Variants in APBA2 observed in about 807,000 individuals in gnomAD.
The protein encoded by APBA2 is amyloid beta precursor protein binding family A member 2.
A neutral mutation model predicts 75.0 loss-of-function variants in APBA2; 30 were observed. The ratio of observed to expected loss-of-function variants is 0.40; its 90% confidence interval spans 0.30 to 0.54. The LOEUF is 0.54. Among genes scored for constraint, APBA2 ranks in the 20% least tolerant of loss-of-function variants. The pLI, the probability that APBA2 is intolerant of heterozygous loss-of-function variation, is 0.49. For synonymous variants in APBA2, 444 were observed against 409.6 expected (o/e 1.08, Z -1.01); for missense variants, 801 against 1,016.1 (o/e 0.79, Z 2.88).
intron 2 of APBA2, among the ~76,000 whole-genome samples, chr15:28,953,907 C>G (rs1213049541): frequency 6.6e-6 from 1 of 152,158 alleles, no homozygotes; most frequent in African/African-American, 2.4e-5. Context: ...TATCTTTTAG[C>G]TCTGATTTCT....
chr15:29,094,006 C>G (rs900890533), intron 7 of APBA2, among the ~76,000 whole-genome samples: 4 of 152,244 alleles, frequency 2.6e-5, no homozygotes, highest in Non-Finnish European at 5.9e-5. Context: ...GCCTGGAGCT[C>G]AGCTCCCCTT....
intron 2 of APBA2, among the ~76,000 whole-genome samples, chr15:28,971,624 A>C (rs1350776014): frequency 6.6e-6 from 1 of 152,248 alleles, no homozygotes; most frequent in Non-Finnish European, 1.5e-5. Flanking sequence ...GAGAAGAATT[A>C]GCTGAAAATA....
At chr15:28,901,796 G>A (rs139348594) in intron 1 of APBA2, among the ~76,000 whole-genome samples, 2,830 of 152,220 alleles carry the variant, frequency 0.019, 92 homozygotes, top group African/African-American at 0.064. Flanking sequence ...GGTTAGGGAC[G>A]TCTCAGGAGT....
intron 2 of APBA2, among the ~76,000 whole-genome samples, chr15:28,957,326 C>T (rs1396753028): frequency 6.6e-6 from 1 of 152,110 alleles, no homozygotes; most frequent in Non-Finnish European, 1.5e-5. Context: ...CCGCCCGCCT[C>T]GGCCTCCCAA....
chr15:29,100,653 C>A (rs2044073800), intron 9 of APBA2, among the ~76,000 whole-genome samples: 1 of 152,196 alleles, frequency 6.6e-6, no homozygotes, highest in South Asian at 2.1e-4. Flanking sequence ...GCTGTTTGGG[C>A]TCCCTGGGAA....
chr15:29,010,987 A>G (rs923793228), intron 3 of APBA2, among the ~76,000 whole-genome samples: 29 of 152,202 alleles, frequency 1.9e-4, no homozygotes, highest in African/African-American at 6.3e-4. Context: ...CTGAACATCT[A>G]TACCCATTAA....
intron 3 of APBA2, among the ~76,000 whole-genome samples, chr15:29,005,651 G>A (rs1255026423): frequency 2.0e-5 from 3 of 152,124 alleles, no homozygotes; most frequent in African/African-American, 7.2e-5. Flanking sequence ...GATCACTTGA[G>A]GTCAGGAGTT....
chr15:29,071,196 CTT>C, intron 4 of APBA2: 1 of 378,050 alleles, frequency 2.6e-6, no homozygotes, highest in East Asian at 7.5e-5. Flanking sequence ...AGAATTGACA[CTT>C]TTTAAAATCC....
chr15:29,108,444 G>A, intron 13 of APBA2, 55 bp downstream of exon 13: 1 of 1,612,732 alleles, frequency 6.2e-7, no homozygotes, highest in South Asian at 1.1e-5. Context: ...CCCAGGGAGG[G>A]GGAGCAGCTC....
At chr15:28,945,140 C>T (rs945568686) in intron 2 of APBA2, among the ~76,000 whole-genome samples, 11 of 152,316 alleles carry the variant, frequency 7.2e-5, no homozygotes, top group Admixed American at 7.2e-4. Context: ...CCAGCCGCGG[C>T]GTCACTGTCA....
chr15:28,915,846 C>T (rs2033665979), intron 1 of APBA2, among the ~76,000 whole-genome samples: 1 of 151,200 alleles, frequency 6.6e-6, no homozygotes, highest in African/African-American at 2.4e-5. Context: ...ACATAGCACA[C>T]ACCACACACC....
chr15:29,012,913 A>G (rs553373647), intron 3 of APBA2, among the ~76,000 whole-genome samples: 5 of 152,276 alleles, frequency 3.3e-5, no homozygotes, highest in African/African-American at 1.2e-4. Flanking sequence ...ACAAATCCCC[A>G]AATGCCTTGA....
At chr15:29,045,792 A>C (rs949993264) in intron 3 of APBA2, among the ~76,000 whole-genome samples, 1 of 152,188 alleles carries the variant, frequency 6.6e-6, no homozygotes, top group African/African-American at 2.4e-5. Flanking sequence ...TTTCCTATTA[A>C]GAACACAGAG....
intron 1 of APBA2, among the ~76,000 whole-genome samples, chr15:28,911,419 C>T (rs1349461117): frequency 6.6e-6 from 1 of 152,178 alleles, no homozygotes; most frequent in Non-Finnish European, 1.5e-5. Flanking sequence ...GTGGTTTGCA[C>T]AGGGTGAACG....
chr15:28,909,543 A>G (rs1449713077), intron 1 of APBA2, among the ~76,000 whole-genome samples: 1 of 152,214 alleles, frequency 6.6e-6, no homozygotes, highest in Non-Finnish European at 1.5e-5. Flanking sequence ...CACAGTAGAA[A>G]GAATCCAAGA....
chr15:28,907,452 A>G (rs1692311372), intron 1 of APBA2, among the ~76,000 whole-genome samples: 1 of 151,874 alleles, frequency 6.6e-6, no homozygotes, highest in African/African-American at 2.4e-5. Flanking sequence ...TTTCCCCCTA[A>G]CCTTTCTTCT....
intron 2 of APBA2, among the ~76,000 whole-genome samples, chr15:28,994,805 G>A (rs1282610367): frequency 6.6e-6 from 1 of 152,196 alleles, no homozygotes; most frequent in Admixed American, 6.5e-5. Flanking sequence ...TCCTTCCCCA[G>A]TGAATGGGGC....
chr15:28,950,664 C>T (rs2035815216), intron 2 of APBA2, among the ~76,000 whole-genome samples: 1 of 151,968 alleles, frequency 6.6e-6, no homozygotes, highest in Admixed American at 6.6e-5. Context: ...ATTACCCCAC[C>T]TTCTTTCCAT....
At chr15:28,976,549 C>A (rs2037348669) in intron 2 of APBA2, among the ~76,000 whole-genome samples, 2 of 152,110 alleles carry the variant, frequency 1.3e-5, no homozygotes, top group Admixed American at 6.5e-5. Flanking sequence ...ATTGTGAATG[C>A]ATGTTGAACT....
Sources: gnomAD v4.1 joint callset for allele counts (sites outside exome capture counted in the v4.1 genomes callset) on GRCh38, gnomAD v4.1.1 for gene constraint, MANE v1.5 for transcripts, NCBI Gene and HGNC (gene_info 2026-07-23, HGNC 2026-07-21) for gene names.